NAA10: variants seen among roughly 807,000 people sequenced by gnomAD.
NAA10 encodes the protein N-alpha-acetyltransferase 10.
A neutral mutation model predicts 19.2 loss-of-function variants in NAA10; 6 were observed. That is an observed-to-expected ratio of 0.31 (90% CI 0.17 to 0.62). The LOEUF (loss-of-function observed/expected upper bound fraction) is 0.62, where lower values mean the gene tolerates loss of function less well. Ranked by LOEUF, NAA10 falls within the 20% of genes least tolerant of loss-of-function variation. The pLI is 0.83. For missense variants in NAA10, 101 were observed against 198.4 expected, an observed-to-expected ratio of 0.51 and a Z score of 2.95; for synonymous variants, 97 against 79.9, an observed-to-expected ratio of 1.21 and a Z score of -1.14.
intron 6 of NAA10, 62 bp from the exon 7 acceptor site, chrX:153,930,909 C>G: frequency 8.3e-7 from 1 of 1,211,002 alleles, no homozygotes; most frequent in South Asian, 1.8e-5. Context: ...CCCTCCTCCA[C>G]TCCTGGTATC....
Position 153,932,369 on chromosome X carries a change from T to C in NAA10, c.288A>G (p.Arg96=). The C allele has an allele frequency of 3.3e-6, 4 of 1,211,356 alleles. No individual in the cohort carries two copies. The highest frequency in any genetic ancestry group is 2.2e-6 in the Non-Finnish European group (2 of 895,333). Residue 96 remains arginine (R), a synonymous_variant, in exon 5 of 8, where the codon CGA becomes CGG. Coordinates refer to ENST00000464845, the MANE Select transcript of NAA10 (RefSeq NM_003491.4). ...LAQKLMDQAS[R]AMIENFNAKY... is the part of the protein sequence containing the mutation. ...TGGCATTGAAGTTCTCTATCATGGC[T>C]CGAGAGGCCTGGTCCATCAGTTTCT...
intron 3 of NAA10, 77 bp downstream of exon 3, chrX:153,933,866 C>A (rs782734830): frequency 3.4e-6 from 3 of 871,035 alleles, no homozygotes; most frequent in Non-Finnish European, 5.0e-6. Flanking sequence ...AAAGAAGAAG[C>A]CTATTCATTT....
chrX:153,930,428 C>A (rs1330258482), intron 7 of NAA10: 4 of 465,748 alleles, frequency 8.6e-6, no homozygotes, highest in Non-Finnish European at 1.5e-5. Flanking sequence ...TGGAGGCCCC[C>A]ACGACAGAGC....
Position 153,934,944 on chromosome X carries a change from G to A in NAA10, c.-40C>T. The A allele has an allele frequency of 1.0e-6, 1 of 981,123 alleles. No homozygotes were observed. 80.9% of individuals were successfully genotyped at this position (981,123 alleles called of 1,213,427 possible). On this transcript the variant is annotated 5_prime_UTR_variant, in exon 1 of 8. Coordinates refer to ENST00000464845, the MANE Select transcript of NAA10 (RefSeq NM_003491.4). The stretch of plus-strand genomic sequence containing the variant: ...TCGCGGGTCCCAGCGGATCGTGAAG[G>A]CGCAGTCAGCTGCCGCCGCGCTCCG...
intron 7 of NAA10, chrX:153,930,560 T>G: frequency 2.1e-6 from 1 of 471,515 alleles, no homozygotes; most frequent in East Asian, 3.7e-5. Flanking sequence ...TCTAAAAGCC[T>G]CCTCCCTCTG....
chrX:153,929,907 G>A lies in NAA10; in HGVS notation c.*80C>T, dbSNP rs1569546246. On this transcript the variant is annotated 3_prime_UTR_variant, in exon 8 of 8. Coordinates refer to ENST00000464845, the MANE Select transcript of NAA10 (RefSeq NM_003491.4). The stretch of plus-strand genomic sequence containing the variant: ...AAACACACCCTCTAAATGTGCGCGC[G>A]CTCACACACAAAGTTCCCCAGTGCC... 1.3e-5 allele frequency: 11 copies of A among 824,619 alleles called. No individual in the cohort carries two copies. The highest frequency in any genetic ancestry group is 6.7e-5 in the Admixed American group (3 of 44,689). 68.0% of individuals were successfully genotyped at this position (824,619 alleles called of 1,213,427 possible). A position where few individuals can be genotyped will look rare whatever the true frequency, so the allele number is the denominator to read the frequency against.
intron 6 of NAA10, 180 bp from the exon 7 acceptor site, chrX:153,931,027 C>T: frequency 8.6e-7 from 1 of 1,156,363 alleles, no homozygotes; most frequent in Non-Finnish European, 1.1e-6. Flanking sequence ...CTCCAGGACA[C>T]AGCGGCCCGC....
chrX:153,932,478 G>T, intron 4 of NAA10, 47 bp from the exon 5 acceptor site: 1 of 1,199,245 alleles, frequency 8.3e-7, no homozygotes, highest in South Asian at 1.8e-5. Context: ...GGACCTTGAG[G>T]GCTGCCCCAA....
chrX:153,931,055 C>G (rs781923411), intron 6 of NAA10: 1 of 1,134,796 alleles, frequency 8.8e-7, no homozygotes, highest in Non-Finnish European at 1.2e-6. Context: ...GTCCTGCCCC[C>G]GTTCTGTGTC....
At chrX:153,933,284 T>A in intron 3 of NAA10, among the ~76,000 whole-genome samples, 1 of 112,191 alleles carries the variant, frequency 8.9e-6, no homozygotes, top group East Asian at 2.8e-4. Context: ...TATCCTGCGA[T>A]AATATGAAGG....
chrX:153,931,780 A>G, intron 6 of NAA10: 3 of 1,048,344 alleles, frequency 2.9e-6, no homozygotes, highest in Non-Finnish European at 3.7e-6. Flanking sequence ...ATTCCCAAAC[A>G]TTACTAAACA....
intron 2 of NAA10, 150 bp from the exon 3 acceptor site, chrX:153,934,151 G>A (rs1192785951): frequency 1.7e-6 from 1 of 588,187 alleles, no homozygotes; most frequent in Non-Finnish European, 2.9e-6. Context: ...ACTGTGCCCT[G>A]CCCATACCCA....
intron 6 of NAA10, chrX:153,931,255 G>A (rs990282312): frequency 1.1e-6 from 1 of 908,885 alleles, no homozygotes; most frequent in Non-Finnish European, 1.4e-6. Context: ...CTGGGCAGGT[G>A]TGTGTGCAGA....
At chrX:153,932,710 G>T in intron 3 of NAA10, 126 bp from the exon 4 acceptor site, 1 of 652,123 alleles carries the variant, frequency 1.5e-6, no homozygotes. Flanking sequence ...GGGAGAGCCG[G>T]GAGCCTCTTG....
intron 2 of NAA10, 73 bp from the exon 3 acceptor site, chrX:153,934,074 G>C: frequency 2.0e-6 from 2 of 984,238 alleles, no homozygotes; most frequent in Non-Finnish European, 2.9e-6. Flanking sequence ...ACACAAACTG[G>C]ACGAGTGGCG....
chrX:153,929,655 G>A lies in NAA10; in HGVS notation c.*332C>T. The A allele has an allele frequency of 3.4e-6, 1 of 298,380 alleles. No individual in the cohort carries two copies. Among genetic ancestry groups the A allele is most frequent in the Non-Finnish European group, 5.9e-6 (1 of 169,944 alleles). 24.6% of individuals were successfully genotyped at this position (298,380 alleles called of 1,213,427 possible). A position where few individuals can be genotyped will look rare whatever the true frequency, so the allele number is the denominator to read the frequency against. ...TGGGAGCCCTGCTGTTGAGCTTTGAGCCTGAGCAGCCCCGGCTTGTGCCAC... is the reference window on the plus strand; with the variant it reads ...TGGGAGCCCTGCTGTTGAGCTTTGAACCTGAGCAGCCCCGGCTTGTGCCAC... On this transcript the variant is annotated 3_prime_UTR_variant, in exon 8 of 8. Coordinates refer to ENST00000464845, the MANE Select transcript of NAA10 (RefSeq NM_003491.4).
Position 153,932,307 on chromosome X carries a change from G to A in NAA10, c.341+9C>T, listed in dbSNP as rs782699019. The A allele has an allele frequency of 7.5e-6, 9 of 1,196,284 alleles. No homozygotes were observed. Among genetic ancestry groups the A allele is most frequent in the African/African-American group, 3.6e-5 (2 of 55,849 alleles). On this transcript the variant is annotated intron_variant, in intron 5 of 7. Transcript: ENST00000464845. ...CCCTCAATCCCCCTTCCCTCAGCCC[G>A]GCTTCCACCTCTTCCTGACATGCAG...
chrX:153,932,801 C>T (rs1430445105), intron 3 of NAA10: 3 of 444,532 alleles, frequency 6.7e-6, no homozygotes, highest in Non-Finnish European at 7.9e-6. Flanking sequence ...CCTATAGTTC[C>T]AGCTACTTGG....
At chrX:153,932,947 G>A in intron 3 of NAA10, 1 of 256,773 alleles carries the variant, frequency 3.9e-6, no homozygotes, top group Non-Finnish European at 7.1e-6. Context: ...CAGCTACTTG[G>A]GAGGCAGACA....
Sources: allele counts gnomAD v4.1 joint callset (sites outside exome capture counted in the v4.1 genomes callset), GRCh38; gene constraint gnomAD v4.1.1; transcripts MANE v1.5; gene names NCBI Gene and HGNC (gene_info 2026-07-23, HGNC 2026-07-21).